The following MSI2 variants were observed in gnomAD, a reference collection of about 807,000 sequenced individuals.
The protein encoded by MSI2 is RNA-binding protein Musashi homolog 2.
In MSI2, 17 loss-of-function variants were observed where a neutral mutation model predicts 45.6. That is an observed-to-expected ratio of 0.37 (90% CI 0.26 to 0.56). MSI2 has a LOEUF of 0.56. MSI2 is among the 20% of genes least tolerant of loss of function. The pLI, the probability that MSI2 is intolerant of heterozygous loss-of-function variation, is 0.77. For synonymous variants in MSI2, 156 were observed against 158.2 expected (o/e 0.99, Z 0.11); for missense variants, 293 against 444.2 (o/e 0.66, Z 3.06).
intron 7 of MSI2, among the ~76,000 whole-genome samples, chr17:57,579,814 A>C (rs1428314212): frequency 6.6e-6 from 1 of 152,012 alleles, no homozygotes; most frequent in Non-Finnish European, 1.5e-5. Flanking sequence ...ATCCTCTATA[A>C]CCCTATAATG....
chr17:57,513,601 C>CTA (rs1383694763), intron 6 of MSI2, among the ~76,000 whole-genome samples: 1 of 152,210 alleles, frequency 6.6e-6, no homozygotes, highest in Non-Finnish European at 1.5e-5. Flanking sequence ...AAAGACAGGA[C>CTA]TATATGCCCA....
chr17:57,612,843 A>G (rs1567935820), intron 8 of MSI2, among the ~76,000 whole-genome samples: 1 of 152,228 alleles, frequency 6.6e-6, no homozygotes, highest in Non-Finnish European at 1.5e-5. Flanking sequence ...TAGGGCTATT[A>G]GGAAGTGAGC....
chr17:57,477,203 G>A (rs527319872), intron 6 of MSI2, among the ~76,000 whole-genome samples: 19 of 95,240 alleles, frequency 2.0e-4, no homozygotes, highest in East Asian at 1.5e-3. Flanking sequence ...TGTGTGTGTC[G>A]GAGGGTGAGG....
In MSI2 at chr17:57,457,260, T is replaced by C. The variant is rs181340920; in HGVS notation, c.405+55789T>C. On this transcript the variant is annotated intron_variant, in intron 6 of 13. Coordinates refer to ENST00000284073, the MANE Select transcript of MSI2 (RefSeq NM_138962.4). ...AATTCCCCATTTCTCTGGACAGAAT[T>C]GGACTCTAGATGGAGGACTAGACAT... Among the ~76,000 whole-genome samples the C allele has an allele frequency of 2.1e-3, 327 of 152,310 alleles. 1 individual carries two copies. Among genetic ancestry groups the C allele is most frequent in the African/African-American group, 7.6e-3 (315 of 41,562 alleles).
intron 5 of MSI2, among the ~76,000 whole-genome samples, chr17:57,378,988 G>A (rs2083550693): frequency 1.3e-5 from 2 of 151,990 alleles, no homozygotes; most frequent in South Asian, 2.1e-4. Context: ...CTGCGTGTGG[G>A]GTCTGCAGTC....
chr17:57,275,735 G>C (rs1391780576), intron 5 of MSI2, among the ~76,000 whole-genome samples: 2 of 152,154 alleles, frequency 1.3e-5, no homozygotes, highest in African/African-American at 4.8e-5. Flanking sequence ...TGTAGAGGAC[G>C]GAAAGGGAAG....
chr17:57,496,687 C>T (rs1005448926), intron 6 of MSI2, among the ~76,000 whole-genome samples: 5 of 152,194 alleles, frequency 3.3e-5, no homozygotes, highest in Non-Finnish European at 7.3e-5. Context: ...CTGGCTCCAG[C>T]GCATTCATTC....
intron 7 of MSI2, among the ~76,000 whole-genome samples, chr17:57,578,417 G>T (rs529623835): frequency 6.6e-6 from 1 of 152,182 alleles, no homozygotes; most frequent in Admixed American, 6.5e-5. Context: ...CTCTGCCGCT[G>T]AAGGAGCTGC....
chr17:57,577,080 T>G (rs1028317518), intron 7 of MSI2, among the ~76,000 whole-genome samples: 2 of 152,066 alleles, frequency 1.3e-5, no homozygotes, highest in African/African-American at 4.8e-5. Flanking sequence ...ACGGGAAAAA[T>G]TCCAGAGGAA....
At position 57,616,260 on chromosome 17, in the gene MSI2, T is replaced by TGG; in HGVS notation, c.652+178_652+179dup. 5.2e-6 allele frequency: 3 copies of TGG among 578,552 alleles called. No homozygotes were observed. The East Asian group carries it at 8.6e-5, about 17-fold the overall frequency. 35.8% of individuals were successfully genotyped at this position (578,552 alleles called of 1,614,324 possible). On this transcript the variant is annotated intron_variant, in intron 9 of 13. Transcript: ENST00000284073. Reference sequence around the variant, plus strand: ...CCAAGACAGTTGTGATGATTAAGTGTGGGTGTGTGTGTGTGCATGCATGTG... The same window carrying TGG: ...CCAAGACAGTTGTGATGATTAAGTGTGGGGGTGTGTGTGTGTGCATGCATGTG...
At chr17:57,297,251 C>G (rs541637626) in intron 5 of MSI2, among the ~76,000 whole-genome samples, 2 of 150,856 alleles carry the variant, frequency 1.3e-5, no homozygotes, top group African/African-American at 2.4e-5. Flanking sequence ...TATACAGGCA[C>G]ACCTTGGAGA....
Position 57,258,152 on chromosome 17 carries a change from G to A in MSI2, c.186-118G>A, listed in dbSNP as rs553703491. 106 of 760,290 alleles carry A rather than the reference G, an allele frequency of 1.4e-4. No individual in the cohort carries two copies. The South Asian group carries it at 1.5e-3, about 11-fold the overall frequency. 47.1% of individuals were successfully genotyped at this position (760,290 alleles called of 1,614,324 possible). On this transcript the variant is annotated intron_variant, in intron 3 of 13. Coordinates refer to ENST00000284073, the MANE Select transcript of MSI2 (RefSeq NM_138962.4). ...GGGGAATTGGAGGAGGGGAGTGGGAGGTGGGGGTGCGTGGGGGGCAACTTT... is the reference window on the plus strand; with the variant it reads ...GGGGAATTGGAGGAGGGGAGTGGGAAGTGGGGGTGCGTGGGGGGCAACTTT...
At chr17:57,563,378 C>T (rs1216661172) in intron 7 of MSI2, among the ~76,000 whole-genome samples, 2 of 152,134 alleles carry the variant, frequency 1.3e-5, no homozygotes, top group East Asian at 1.9e-4. Context: ...TCCAGCCCTA[C>T]ACTTGGGGAC....
chr17:57,468,090 T>A (rs987390114), intron 6 of MSI2, among the ~76,000 whole-genome samples: 7 of 151,930 alleles, frequency 4.6e-5, no homozygotes, highest in African/African-American at 1.7e-4. Context: ...TGGGGCTGCG[T>A]TTGAATCTCT....
intron 12 of MSI2, among the ~76,000 whole-genome samples, chr17:57,676,773 A>G (rs1913265662): frequency 6.6e-6 from 1 of 152,202 alleles, no homozygotes; most frequent in South Asian, 2.1e-4. Context: ...CCCCGGGGTA[A>G]GCAGATAGGC....
intron 5 of MSI2, chr17:57,265,288 C>T (rs570730626): frequency 1.3e-5 from 2 of 152,180 alleles, no homozygotes; most frequent in East Asian, 3.9e-4. Context: ...TGCCCCTCCT[C>T]GTGGGATGGG....
Position 57,529,738 on chromosome 17 carries a change from A to C in MSI2, c.454+14A>C. ...ACAGGCACAGAGGTAAGATTACCCC[A>C]GTGTAAGAGGGTTGCGTTCACCCTC... On this transcript the variant is annotated intron_variant, in intron 7 of 13. Coordinates refer to ENST00000284073, the MANE Select transcript of MSI2 (RefSeq NM_138962.4). The surrounding 1 kb of genome is among the most constrained non-coding windows in gnomAD (Gnocchi z 5.3). The C allele has an allele frequency of 6.2e-7, 1 of 1,609,290 alleles. No homozygotes were observed. The highest frequency in any genetic ancestry group is 1.3e-5 in the African/African-American group (1 of 74,688).
intron 5 of MSI2, among the ~76,000 whole-genome samples, chr17:57,273,397 GT>G (rs1908540303): frequency 6.6e-6 from 1 of 150,898 alleles, no homozygotes; most frequent in Admixed American, 6.6e-5. Flanking sequence ...TTTGATCATT[GT>G]TTTTCCCTGC....
At chr17:57,618,072 AAATAATAATAAT>A (rs56843897) in intron 9 of MSI2, 5 of 147,350 alleles carry the variant, frequency 3.4e-5, no homozygotes, top group African/African-American at 1.0e-4. Flanking sequence ...CTCTGTCTCA[AAATAATAATAAT>A]AATAATAATA....
Sources: gnomAD v4.1 joint callset for allele counts (sites outside exome capture counted in the v4.1 genomes callset) on GRCh38, gnomAD v4.1.1 for gene constraint, Gnocchi (gnomAD v3.1) non-coding constraint, MANE v1.5 for transcripts, NCBI Gene and HGNC (gene_info 2026-07-23, HGNC 2026-07-21) for gene names.